The following CNTNAP2 variants were observed in gnomAD, a reference collection of about 807,000 sequenced individuals.
The protein encoded by CNTNAP2 is contactin-associated protein-like 2.
Under a neutral mutation model 155.2 loss-of-function variants are expected in CNTNAP2, and 98 were observed. The ratio of observed to expected loss-of-function variants is 0.63; its 90% CI spans 0.54 to 0.75. CNTNAP2 has a LOEUF of 0.75. Among genes scored for constraint, CNTNAP2 ranks in the 30% least tolerant of loss-of-function variants. The probability of loss-of-function intolerance (pLI) is 0.00; values close to 1 mark genes in which losing one functional copy is unlikely to be tolerated. For synonymous variants in CNTNAP2, 651 were observed against 631.2 expected (o/e 1.03, Z -0.47); for missense variants, 1,727 against 1,688.1 (o/e 1.02, Z -0.40).
intron 9 of CNTNAP2, among the ~76,000 whole-genome samples, chr7:147,324,698 T>C (rs1029644445): frequency 4.6e-5 from 7 of 152,222 alleles, no homozygotes; most frequent in African/African-American, 1.7e-4. Flanking sequence ...TTTTACTTTT[T>C]TTTTCTAGTT....
intron 20 of CNTNAP2, among the ~76,000 whole-genome samples, chr7:148,261,450 C>T (rs1016036512): frequency 9.2e-5 from 14 of 152,208 alleles, no homozygotes; most frequent in Admixed American, 3.9e-4. Context: ...TGAGCCACCA[C>T]GCCCAACGCA....
At chr7:146,993,484 G>GT (rs888125007) in intron 3 of CNTNAP2, among the ~76,000 whole-genome samples, 5 of 151,976 alleles carry the variant, frequency 3.3e-5, no homozygotes, top group Non-Finnish European at 5.9e-5. Flanking sequence ...CCAGTTTCAG[G>GT]TTTTTTTTCT....
At chr7:146,970,541 C>T (rs1208911136) in intron 3 of CNTNAP2, among the ~76,000 whole-genome samples, 2 of 152,054 alleles carry the variant, frequency 1.3e-5, no homozygotes, top group Non-Finnish European at 2.9e-5. Flanking sequence ...GAATGGCAAT[C>T]AATAAAAAGT....
At chr7:147,378,329 G>C (rs913358173) in intron 9 of CNTNAP2, among the ~76,000 whole-genome samples, 6 of 151,640 alleles carry the variant, frequency 4.0e-5, no homozygotes, top group African/African-American at 1.5e-4. Context: ...TATATTTATG[G>C]GCTACATAAG....
chr7:146,927,502 T>C (rs902682637), intron 3 of CNTNAP2, among the ~76,000 whole-genome samples: 1 of 149,944 alleles, frequency 6.7e-6, no homozygotes, highest in Non-Finnish European at 1.5e-5. Flanking sequence ...AGATTAACTT[T>C]AAAACATAAT....
At chr7:146,288,297 C>CAAAAA (rs570614933) in intron 1 of CNTNAP2, among the ~76,000 whole-genome samples, 1 of 91,254 alleles carries the variant, frequency 1.1e-5, no homozygotes, top group Non-Finnish European at 2.4e-5. Flanking sequence ...GATCCTGCCT[C>CAAAAA]AAAAAAAAAA....
chr7:146,861,331 G>A (rs958276050), intron 3 of CNTNAP2, among the ~76,000 whole-genome samples: 4 of 152,070 alleles, frequency 2.6e-5, no homozygotes, highest in Non-Finnish European at 5.9e-5. Flanking sequence ...GGGACTATAG[G>A]CATGAGTGTT....
At chr7:147,101,504 G>T (rs1366663506) in intron 4 of CNTNAP2, among the ~76,000 whole-genome samples, 2 of 152,184 alleles carry the variant, frequency 1.3e-5, no homozygotes, top group African/African-American at 4.8e-5. Flanking sequence ...TCAGTGGAGA[G>T]TCAGGGTGAC....
At chr7:147,805,642 T>A (rs931677465) in intron 13 of CNTNAP2, among the ~76,000 whole-genome samples, 1 of 152,222 alleles carries the variant, frequency 6.6e-6, no homozygotes, top group African/African-American at 2.4e-5. Context: ...GAAGGAATGC[T>A]GGGTTTTATC....
chr7:147,489,745 A>G (rs1299537569), intron 11 of CNTNAP2, among the ~76,000 whole-genome samples: 1 of 152,096 alleles, frequency 6.6e-6, no homozygotes, highest in Non-Finnish European at 1.5e-5. Context: ...CCTCCCAAGT[A>G]GCTGGGACTA....
At chr7:147,758,782 T>C (rs180818907) in intron 13 of CNTNAP2, among the ~76,000 whole-genome samples, 2 of 152,138 alleles carry the variant, frequency 1.3e-5, no homozygotes, top group Admixed American at 1.3e-4. Context: ...GAGGCAGAGA[T>C]TGCAGTGAGC....
chr7:146,904,558 G>A (rs1312167765), intron 3 of CNTNAP2, among the ~76,000 whole-genome samples: 4 of 152,036 alleles, frequency 2.6e-5, no homozygotes, highest in Non-Finnish European at 2.9e-5. Flanking sequence ...TGCAAGCTGC[G>A]CCTCCCAGGT....
chr7:147,611,640 A>G (rs1185175749), intron 12 of CNTNAP2, among the ~76,000 whole-genome samples: 1 of 152,212 alleles, frequency 6.6e-6, no homozygotes, highest in Non-Finnish European at 1.5e-5. Context: ...TTTGGGCTGT[A>G]ATTGTGAGCT....
rs368941956 is a variant in CNTNAP2 at position 147,664,914 on chromosome 7, C to T, written c.2098+25608C>T. ...GTAAGTTATTTACCTCTCTCCCATA[C>T]AGTACGTGCCAGGTGGCCCATAGTT... On this transcript the variant is annotated intron_variant, in intron 13 of 23. Transcript: ENST00000361727. Among the ~76,000 whole-genome samples, 3 of 152,212 alleles carry T rather than the reference C, an allele frequency of 2.0e-5. No individual in the cohort carries two copies. In the South Asian group the frequency reaches 6.2e-4, roughly 32 times the overall value.
intron 3 of CNTNAP2, among the ~76,000 whole-genome samples, chr7:146,957,151 T>C (rs1797453499): frequency 6.6e-6 from 1 of 152,200 alleles, no homozygotes; most frequent in Admixed American, 6.5e-5. Flanking sequence ...ACTTAGACTA[T>C]ATGGTATATC....
chr7:147,535,565 C>T (rs1055768279), intron 11 of CNTNAP2, among the ~76,000 whole-genome samples: 3 of 152,090 alleles, frequency 2.0e-5, no homozygotes, highest in Admixed American at 6.5e-5. Flanking sequence ...AGATTCTTCC[C>T]GGGTTCTTGC....
intron 22 of CNTNAP2, among the ~76,000 whole-genome samples, chr7:148,397,226 C>G (rs1266276667): frequency 6.6e-6 from 1 of 152,206 alleles, no homozygotes; most frequent in African/African-American, 2.4e-5. Context: ...GGTGCACAAC[C>G]CTGGCTGCAC....
chr7:147,739,619 A>G (rs1392669659), intron 13 of CNTNAP2, among the ~76,000 whole-genome samples: 2 of 152,180 alleles, frequency 1.3e-5, no homozygotes, highest in East Asian at 1.9e-4. Context: ...AGAGAAAATC[A>G]TCCTAGATAC....
chr7:147,982,475 A>G (rs1801548145), intron 15 of CNTNAP2, among the ~76,000 whole-genome samples: 1 of 152,192 alleles, frequency 6.6e-6, no homozygotes, highest in South Asian at 2.1e-4. Flanking sequence ...TCTCAGAGCT[A>G]CGGAGGTGAC....
Sources: gnomAD v4.1 joint callset for allele counts (sites outside exome capture counted in the v4.1 genomes callset) on GRCh38, gnomAD v4.1.1 for gene constraint, MANE v1.5 for transcripts, NCBI Gene and HGNC (gene_info 2026-07-23, HGNC 2026-07-21) for gene names.